The following ERBB4 variants were observed in gnomAD, a reference collection of about 807,000 sequenced individuals.
ERBB4 encodes receptor tyrosine-protein kinase erbB-4.
Under a neutral mutation model 158.0 loss-of-function variants are expected in ERBB4, and 42 were observed. The ratio of observed to expected loss-of-function variants is 0.27; its 90% CI spans 0.21 to 0.34. The LOEUF is 0.34. Among genes scored for constraint, ERBB4 ranks in the 10% least tolerant of loss-of-function variants. The pLI is 1.00. For missense variants in ERBB4, 1,333 were observed against 1,624.1 expected (o/e 0.82, Z 3.08); for synonymous variants, 583 against 558.7 (o/e 1.04, Z -0.61).
chr2:211,666,958 G>A (rs980979094), intron 14 of ERBB4, among the ~76,000 whole-genome samples: 2 of 152,076 alleles, frequency 1.3e-5, no homozygotes, highest in African/African-American at 4.8e-5. Context: ...TATTAGGTAG[G>A]GATTGTAAAG....
At chr2:211,962,151 T>C (rs2081196441) in intron 2 of ERBB4, among the ~76,000 whole-genome samples, 1 of 152,130 alleles carries the variant, frequency 6.6e-6, no homozygotes. Context: ...GTTTTCAATA[T>C]TTGTATAATG....
At chr2:211,551,028 C>T (rs558011732) in intron 20 of ERBB4, among the ~76,000 whole-genome samples, 2 of 151,552 alleles carry the variant, frequency 1.3e-5, no homozygotes, top group Non-Finnish European at 1.5e-5. Flanking sequence ...CTGCAATCTG[C>T]GCCTCACCGG....
rs531147428 is a variant in ERBB4 at position 211,677,692 on chromosome 2, G to A, written c.1622+1360C>T. 4.0e-5 allele frequency among the ~76,000 whole-genome samples: 6 copies of A among 151,420 alleles called. No homozygotes were observed. In the East Asian group the frequency reaches 1.2e-3, roughly 29 times the overall value. ...GATCGAGACCATCCTGGCTAACACA[G>A]TGAAACCCCGTCTCTACCAAAAATA... On this transcript the variant is annotated intron_variant, in intron 13 of 27. Transcript: ENST00000342788.
chr2:212,284,628 C>G (rs776003311), intron 1 of ERBB4, among the ~76,000 whole-genome samples: 9 of 152,100 alleles, frequency 5.9e-5, no homozygotes, highest in Non-Finnish European at 1.0e-4. Context: ...AAGTATTTGA[C>G]AGACTATTTG....
chr2:212,198,835 C>T (rs1245382913), intron 1 of ERBB4, among the ~76,000 whole-genome samples: 2 of 150,202 alleles, frequency 1.3e-5, no homozygotes, highest in African/African-American at 2.5e-5. Context: ...CCACCCACCT[C>T]GGCCTCCCAA....
At chr2:211,392,562 A>G (rs868819119) in intron 25 of ERBB4, among the ~76,000 whole-genome samples, 5,110 of 134,992 alleles carry the variant, frequency 0.038, 114 homozygotes, top group African/African-American at 0.083. Context: ...CTTACTCCAC[A>G]CACACACACA....
intron 25 of ERBB4, among the ~76,000 whole-genome samples, chr2:211,405,908 C>T (rs545690729): frequency 6.6e-6 from 1 of 152,254 alleles, no homozygotes; most frequent in African/African-American, 2.4e-5. Flanking sequence ...ACGTTAACGT[C>T]TTCCTAGTCA....
At chr2:212,054,168 T>C (rs1044421681) in intron 2 of ERBB4, among the ~76,000 whole-genome samples, 2 of 152,148 alleles carry the variant, frequency 1.3e-5, no homozygotes, top group Non-Finnish European at 2.9e-5. Context: ...ATATGTGCTA[T>C]GTAGGGAGTT....
At chr2:211,644,988 G>C (rs1274814478) in intron 16 of ERBB4, among the ~76,000 whole-genome samples, 1 of 151,904 alleles carries the variant, frequency 6.6e-6, no homozygotes, top group Non-Finnish European at 1.5e-5. Flanking sequence ...CGGGGGAGGA[G>C]AGTAAGAGAT....
chr2:212,260,018 G>A lies in ERBB4; in HGVS notation c.83-135115C>T, dbSNP rs963674686. Among the ~76,000 whole-genome samples, 4 of 151,034 alleles carry A rather than the reference G, an allele frequency of 2.6e-5. No individual in the cohort carries two copies. The South Asian group carries it at 6.3e-4, about 24-fold the overall frequency. On this transcript the variant is annotated intron_variant, in intron 1 of 27. Coordinates refer to ENST00000342788, the MANE Select transcript of ERBB4 (RefSeq NM_005235.3). ...CGGGAGGCAGAGGTTGCAGTGAACC[G>A]AGATCGTGCCATTGCACTCCAGCCT...
intron 2 of ERBB4, among the ~76,000 whole-genome samples, chr2:212,095,660 C>T (rs1022685339): frequency 1.2e-4 from 18 of 152,074 alleles, no homozygotes; most frequent in Admixed American, 3.3e-4. Flanking sequence ...TGGCCGGGCG[C>T]GGTGGCTCAC....
At chr2:212,419,197 T>A (rs1221519369) in intron 1 of ERBB4, among the ~76,000 whole-genome samples, 1 of 151,810 alleles carries the variant, frequency 6.6e-6, no homozygotes, top group African/African-American at 2.4e-5. Context: ...GAACTGAACG[T>A]TCAAAATTAG....
intron 20 of ERBB4, among the ~76,000 whole-genome samples, chr2:211,462,372 T>A (rs949028703): frequency 6.6e-6 from 1 of 152,172 alleles, no homozygotes; most frequent in African/African-American, 2.4e-5. Flanking sequence ...GGGACAGAGA[T>A]CCAAACCATA....
intron 1 of ERBB4, among the ~76,000 whole-genome samples, chr2:212,376,691 A>G (rs2090333667): frequency 6.6e-6 from 1 of 152,066 alleles, no homozygotes; most frequent in South Asian, 2.1e-4. Context: ...TAATGATGTA[A>G]GAAAGACTGC....
Position 212,431,306 on chromosome 2 carries a change from T to TAAAAAAAA in ERBB4, c.82+107135_82+107142dup, listed in dbSNP as rs35419362. Among the ~76,000 whole-genome samples the TAAAAAAAA allele has an allele frequency of 5.5e-4, 48 of 86,866 alleles. 1 individual carries two copies. Among genetic ancestry groups the TAAAAAAAA allele is most frequent in the Non-Finnish European group, 9.8e-4 (43 of 43,958 alleles). 57.0% of individuals were successfully genotyped at this position (86,866 alleles called of 152,430 possible). ...ACTCCATCCTTCCAACTGCTCATAT[T>TAAAAAAAA]AAAAAAAAAAAAAAAAAAAAAAAAC... On this transcript the variant is annotated intron_variant, in intron 1 of 27. Transcript: ENST00000342788.
At chr2:212,458,828 G>C (rs1001932849) in intron 1 of ERBB4, among the ~76,000 whole-genome samples, 1 of 152,130 alleles carries the variant, frequency 6.6e-6, no homozygotes, top group Non-Finnish European at 1.5e-5. Context: ...AAACTTTGTA[G>C]ATATATTTGG....
intron 3 of ERBB4, among the ~76,000 whole-genome samples, chr2:211,935,099 C>A (rs1229918129): frequency 6.6e-6 from 1 of 152,002 alleles, no homozygotes; most frequent in Non-Finnish European, 1.5e-5. Context: ...AGCAGTTATA[C>A]TACCTAGCTT....
intron 1 of ERBB4, among the ~76,000 whole-genome samples, chr2:212,485,205 GT>G (rs996353372): frequency 6.6e-6 from 1 of 151,572 alleles, no homozygotes; most frequent in Admixed American, 6.6e-5. Flanking sequence ...ATTTTCTATA[GT>G]TTTTTTTCTT....
intron 1 of ERBB4, among the ~76,000 whole-genome samples, chr2:212,528,106 A>G (rs1477668595): frequency 6.6e-6 from 1 of 152,268 alleles, no homozygotes; most frequent in South Asian, 2.1e-4. Context: ...AGGGTAACCT[A>G]AAGTAGAACT....
Sources: allele counts gnomAD v4.1 joint callset (sites outside exome capture counted in the v4.1 genomes callset), GRCh38; gene constraint gnomAD v4.1.1; transcripts MANE v1.5; gene names NCBI Gene and HGNC (gene_info 2026-07-23, HGNC 2026-07-21).